The following EDNRA variants were observed in gnomAD, a reference collection of about 807,000 sequenced individuals.
The protein encoded by EDNRA is endothelin receptor type A.
A neutral mutation model predicts 41.4 loss-of-function variants in EDNRA; 11 were observed. The ratio of observed to expected loss-of-function variants is 0.27; its 90% CI spans 0.17 to 0.44. The LOEUF (loss-of-function observed/expected upper bound fraction) is 0.44, where lower values mean the gene tolerates loss of function less well. Among genes scored for constraint, EDNRA ranks in the 20% least tolerant of loss-of-function variants. EDNRA has a pLI of 1.00. For synonymous variants in EDNRA, 172 were observed against 183.0 expected (o/e 0.94, Z 0.49); for missense variants, 294 against 531.0 (o/e 0.55, Z 4.39).
intron 1 of EDNRA, among the ~76,000 whole-genome samples, chr4:147,483,056 C>T (rs769757718): frequency 6.6e-6 from 1 of 152,182 alleles, no homozygotes; most frequent in Non-Finnish European, 1.5e-5. Flanking sequence ...CCCCCTGTAT[C>T]TGTGATCCAA....
At chr4:147,541,978 G>A (rs936699583) in intron 7 of EDNRA, among the ~76,000 whole-genome samples, 1 of 151,956 alleles carries the variant, frequency 6.6e-6, no homozygotes, top group Non-Finnish European at 1.5e-5. Flanking sequence ...CCCAAATCTA[G>A]AGAGTCCTGG....
chr4:147,501,986 T>C (rs1057369515), intron 2 of EDNRA, among the ~76,000 whole-genome samples: 5 of 152,254 alleles, frequency 3.3e-5, no homozygotes, highest in African/African-American at 1.2e-4. Context: ...TAGGAGTTCC[T>C]ATTTCCCCAT....
intron 3 of EDNRA, among the ~76,000 whole-genome samples, chr4:147,528,462 G>A (rs1730633220): frequency 6.6e-6 from 1 of 150,998 alleles, no homozygotes; most frequent in Non-Finnish European, 1.5e-5. Flanking sequence ...GGGCTCAGGG[G>A]ATCCTCCCAC....
chr4:147,532,325 C>CAAA (rs59851236), intron 3 of EDNRA, among the ~76,000 whole-genome samples, 181 bp from the exon 4 acceptor site: 842 of 60,240 alleles, frequency 0.014, 11 homozygotes, highest in African/African-American at 0.02. Context: ...GATTTTGCCT[C>CAAA]AAAAAAAAAA....
intron 2 of EDNRA, among the ~76,000 whole-genome samples, chr4:147,487,028 A>G (rs1438732034): frequency 6.6e-6 from 1 of 152,080 alleles, no homozygotes; most frequent in African/African-American, 2.4e-5. Context: ...GCTTCCAAAT[A>G]TGGCAGAGGG....
rs370303788 is a variant in EDNRA at position 147,501,976 on chromosome 4, T to C, written c.420+15875T>C. ...CTGTCTTGCACTCTCATTAGCAACG[T>C]AGGAGTTCCTATTTCCCCATTGCCT... On this transcript the variant is annotated intron_variant, in intron 2 of 7. Transcript: ENST00000651419. Among the ~76,000 whole-genome samples, 160 of 152,352 alleles carry C rather than the reference T, an allele frequency of 1.1e-3. 6 individuals carry two copies. The South Asian group carries it at 0.03, about 28-fold the overall frequency.
In EDNRA at chr4:147,539,936, A is replaced by G; in HGVS notation, c.1020A>G (p.Arg340=). 6.2e-7 allele frequency: 1 copy of G among 1,608,020 alleles called. No individual in the cohort carries two copies. The highest frequency in any genetic ancestry group is 8.5e-7 in the Non-Finnish European group (1 of 1,178,662). The stretch of plus-strand genomic sequence containing the variant: ...TGTATAACGAGATGGACAAGAACCG[A>G]TGTGAATTACTTAGGTATGATCCTG... ...KTVYNEMDKN[R]CELLSFLLLM... The change falls in exon 6 of 8, where the codon CGA becomes CGG. Residue 340 remains arginine, a synonymous_variant. Coordinates refer to ENST00000651419, the MANE Select transcript of EDNRA (RefSeq NM_001957.4).
chr4:147,521,450 A>G (rs1338855393), intron 3 of EDNRA, among the ~76,000 whole-genome samples: 3 of 152,160 alleles, frequency 2.0e-5, no homozygotes, highest in Admixed American at 2.0e-4. Context: ...GCATAAAAAC[A>G]CTTACATACC....
intron 2 of EDNRA, chr4:147,491,128 A>C (rs193292236): frequency 6.6e-6 from 1 of 152,194 alleles, no homozygotes; most frequent in African/African-American, 2.4e-5. Context: ...AATTTTGTCT[A>C]CCCTAAGCAA....
At chr4:147,540,888 C>T (rs533073347) in intron 7 of EDNRA, among the ~76,000 whole-genome samples, 89 of 151,910 alleles carry the variant, frequency 5.9e-4, no homozygotes, top group South Asian at 2.3e-3. Context: ...TCGAGACCAT[C>T]CTGGCCAACA....
intron 1 of EDNRA, among the ~76,000 whole-genome samples, chr4:147,483,850 G>C (rs1054243295): frequency 6.6e-6 from 1 of 151,736 alleles, no homozygotes; most frequent in South Asian, 2.1e-4. Context: ...CTCCCAAGTA[G>C]CTGAGACTAC....
rs552464175 is a variant in EDNRA at position 147,524,591 on chromosome 4, A to G, written c.548+4613A>G. Among the ~76,000 whole-genome samples the G allele has an allele frequency of 2.0e-5, 3 of 152,346 alleles. No individual in the cohort carries two copies. The South Asian group carries it at 6.2e-4, about 32-fold the overall frequency. On this transcript the variant is annotated intron_variant, in intron 3 of 7. Coordinates refer to ENST00000651419, the MANE Select transcript of EDNRA (RefSeq NM_001957.4). ...CAAGAATCTATCTCATTAAGATTTG[A>G]TCTGAGTTGTAGATCAAGGAAATGA...
intron 7 of EDNRA, among the ~76,000 whole-genome samples, chr4:147,541,261 G>A (rs967610454): frequency 3.9e-5 from 6 of 152,070 alleles, no homozygotes; most frequent in Non-Finnish European, 8.8e-5. Context: ...TCCTTCAGAA[G>A]CTCTAAGCCT....
chr4:147,498,149 C>T (rs913894711), intron 2 of EDNRA, among the ~76,000 whole-genome samples: 1 of 152,226 alleles, frequency 6.6e-6, no homozygotes, highest in Non-Finnish European at 1.5e-5. Flanking sequence ...AATCATCTTA[C>T]AATGTAAACA....
At chr4:147,494,088 A>C (rs867630441) in intron 2 of EDNRA, 3 of 152,184 alleles carry the variant, frequency 2.0e-5, no homozygotes, top group African/African-American at 7.2e-5. Flanking sequence ...CCTAAACATG[A>C]GACTCCTGTT....
chr4:147,492,902 C>T (rs563837973), intron 2 of EDNRA: 2 of 152,126 alleles, frequency 1.3e-5, no homozygotes, highest in Non-Finnish European at 2.9e-5. Flanking sequence ...TTTCCTGTGT[C>T]TGGGAACCTC....
At chr4:147,507,534 A>G (rs1353264041) in intron 2 of EDNRA, among the ~76,000 whole-genome samples, 1 of 152,196 alleles carries the variant, frequency 6.6e-6, no homozygotes, top group Non-Finnish European at 1.5e-5. Flanking sequence ...GGGGTTGGGA[A>G]TGGGAAGGGG....
intron 3 of EDNRA, among the ~76,000 whole-genome samples, chr4:147,530,455 T>C (rs1405204061): frequency 3.3e-5 from 5 of 152,254 alleles, no homozygotes; most frequent in African/African-American, 1.2e-4. Flanking sequence ...ATCTTGATTA[T>C]ATCATAAAAG....
chr4:147,532,397 A>G (rs1226422793), intron 3 of EDNRA, 109 bp from the exon 4 acceptor site: 6 of 860,958 alleles, frequency 7.0e-6, no homozygotes, highest in Non-Finnish European at 1.1e-5. Flanking sequence ...TAAAAAGACA[A>G]TTACTGGTAT....
Sources: allele counts gnomAD v4.1 joint callset (sites outside exome capture counted in the v4.1 genomes callset), GRCh38; gene constraint gnomAD v4.1.1; transcripts MANE v1.5; gene names NCBI Gene and HGNC (gene_info 2026-07-23, HGNC 2026-07-21).